The following ZNF33A variants were observed in gnomAD, a reference collection of about 807,000 sequenced individuals.
The protein encoded by ZNF33A is zinc finger protein 33A.
In ZNF33A, 9 loss-of-function variants were observed where a neutral mutation model predicts 15.9. That is an observed-to-expected ratio of 0.57 (90% confidence interval 0.34 to 0.99). The LOEUF is 0.99. ZNF33A is among the 50% of genes least tolerant of loss of function. The pLI is 0.02. For synonymous variants in ZNF33A, 294 were observed against 324.2 expected, an observed-to-expected ratio of 0.91 and a Z score of 1.00; for missense variants, 843 against 941.6, an observed-to-expected ratio of 0.90 and a Z score of 1.37.
chr10:38,054,748 G>A lies in ZNF33A; in HGVS notation c.624G>A (p.Gln208=). 6.2e-7 allele frequency: 1 copy of A among 1,613,528 alleles called. No individual in the cohort carries two copies. Among genetic ancestry groups the A allele is most frequent in the Non-Finnish European group, 8.5e-7 (1 of 1,179,892 alleles). ...TGAGTCATCATGAGGAGACTTTGCAGCATGAGAAGATTCAAACTTTAGAGC... is the reference window on the plus strand; with the variant it reads ...TGAGTCATCATGAGGAGACTTTGCAACATGAGAAGATTCAAACTTTAGAGC... The part of the protein sequence containing the change: ...NTLSHHEETL[Q]HEKIQTLEHN... Residue 208 remains glutamine (Q), a synonymous_variant, in exon 5 of 5, where the codon CAG becomes CAA. Transcript: ENST00000432900.
chr10:38,012,876 CAGAA>C (rs1313383969), intron 2 of ZNF33A, among the ~76,000 whole-genome samples: 1 of 152,116 alleles, frequency 6.6e-6, no homozygotes, highest in African/African-American at 2.4e-5. Flanking sequence ...ACAACCATGG[CAGAA>C]AGGAAGACAC....
chr10:38,034,676 G>A (rs2065361185), intron 4 of ZNF33A, among the ~76,000 whole-genome samples: 1 of 152,198 alleles, frequency 6.6e-6, no homozygotes, highest in Non-Finnish European at 1.5e-5. Context: ...CACATAAGAA[G>A]TGGAGATATA....
At chr10:38,011,960 A>G (rs2135522738) in intron 1 of ZNF33A, among the ~76,000 whole-genome samples, 1 of 152,270 alleles carries the variant, frequency 6.6e-6, no homozygotes, top group South Asian at 2.1e-4. Context: ...ATATATTGTT[A>G]ACTTGTTTGG....
downstream of ZNF33A, chr10:38,064,875 T>G (rs1404685123): frequency 6.6e-6 from 1 of 151,952 alleles, no homozygotes; most frequent in African/African-American, 2.4e-5. Context: ...AAAGAGGAGC[T>G]CACTAATTAT....
At chr10:38,043,018 T>C (rs899043740) in intron 4 of ZNF33A, among the ~76,000 whole-genome samples, 7 of 152,344 alleles carry the variant, frequency 4.6e-5, no homozygotes, top group Admixed American at 1.3e-4. Flanking sequence ...ACAATAATTG[T>C]GGATTTGAAC....
intron 1 of ZNF33A, among the ~76,000 whole-genome samples, chr10:38,011,508 G>A (rs2064183343): frequency 6.6e-6 from 1 of 152,156 alleles, no homozygotes. Context: ...CCGGGAGGCG[G>A]AGGTTACAGG....
chr10:38,063,750 C>T (rs912983330), downstream of ZNF33A, among the ~76,000 whole-genome samples: 3 of 152,180 alleles, frequency 2.0e-5, no homozygotes, highest in African/African-American at 7.2e-5. Context: ...GTTTTCTCTG[C>T]GTCAGTCTGC....
chr10:38,016,742 G>T, intron 2 of ZNF33A, 129 bp from the exon 3 acceptor site: 1 of 1,117,030 alleles, frequency 9.0e-7, no homozygotes, highest in South Asian at 1.7e-5. Flanking sequence ...TGCATTAATG[G>T]CAGAATATTT....
intron 4 of ZNF33A, among the ~76,000 whole-genome samples, chr10:38,041,144 T>C (rs193184947): frequency 2.6e-5 from 4 of 152,178 alleles, no homozygotes; most frequent in Middle Eastern, 3.4e-3. Flanking sequence ...TTTATAGGTT[T>C]CGAGGGTACA....
In ZNF33A at chr10:38,056,891, A is replaced by G; in HGVS notation, c.*331A>G. ...TAGGGCACCTAACAATAATTTATAG[A>G]TGTATATTGTGGAATGTAAAGCTTT... is the stretch of plus-strand genomic sequence containing the variant. On this transcript the variant is annotated 3_prime_UTR_variant, in exon 5 of 5. Transcript: ENST00000432900. 3.0e-6 allele frequency: 3 copies of G among 994,854 alleles called. No homozygotes were observed. The highest frequency in any genetic ancestry group is 3.6e-6 in the Non-Finnish European group (3 of 826,442). The allele number at this position is 994,854 out of a possible 1,614,324, so 61.6% of individuals were successfully genotyped here. A position where few individuals can be genotyped will look rare whatever the true frequency, so the allele number is the denominator to read the frequency against.
Position 38,054,922 on chromosome 10 carries a change from G to T in ZNF33A, c.798G>T (p.Gln266His), listed in dbSNP as rs751939801. 4 of 1,613,932 alleles carry T rather than the reference G, an allele frequency of 2.5e-6. No individual in the cohort carries two copies. Among genetic ancestry groups the T allele is most frequent in the South Asian group, 2.2e-5 (2 of 91,084 alleles). ...ATAGTTCATCCCTCTTGTTCCATCA[G>T]ATATCTCCGTCAAGGGACAATCACT... ...LCDSSSLLFH[Q>H]ISPSRDNHYE... Residue 266 changes from glutamine (Q) to histidine (H), a missense_variant, in exon 5 of 5, where the codon CAG becomes CAT. Coordinates refer to ENST00000432900, the MANE Select transcript of ZNF33A (RefSeq NM_006954.2).
chr10:38,035,951 C>G (rs1020575867), intron 4 of ZNF33A, among the ~76,000 whole-genome samples: 2 of 152,148 alleles, frequency 1.3e-5, no homozygotes, highest in African/African-American at 4.8e-5. Context: ...AAAAGAGATG[C>G]AAAGGGAACC....
Position 38,059,209 on chromosome 10 carries a change from C to A in ZNF33A, c.*2649C>A, listed in dbSNP as rs979447914. The A allele has an allele frequency of 1.3e-5, 2 of 152,182 alleles. No homozygotes were observed. Among genetic ancestry groups the A allele is most frequent in the Admixed American group, 6.5e-5 (1 of 15,286 alleles). 9.4% of individuals were successfully genotyped at this position (152,182 alleles called of 1,614,324 possible). On this transcript the variant is annotated 3_prime_UTR_variant, in exon 5 of 5. Coordinates refer to ENST00000432900, the MANE Select transcript of ZNF33A (RefSeq NM_006954.2). ...CACAGAAGGAATACAGGAGAACTTA[C>A]TCAAGTTGGTAAAGAACATACTACA... is the stretch of plus-strand genomic sequence containing the variant.
intron 4 of ZNF33A, among the ~76,000 whole-genome samples, chr10:38,021,545 G>A (rs2064745903): frequency 6.6e-6 from 1 of 152,136 alleles, no homozygotes. Context: ...AGAAGCTGAG[G>A]TAGGAGAATC....
intron 4 of ZNF33A, among the ~76,000 whole-genome samples, chr10:38,035,986 G>GT (rs1272372451): frequency 1.2e-4 from 18 of 152,238 alleles, no homozygotes; most frequent in African/African-American, 4.3e-4. Context: ...GTAAAAGGCT[G>GT]TTTTTTCTCT....
intron 4 of ZNF33A, among the ~76,000 whole-genome samples, chr10:38,034,744 C>T (rs2065366004): frequency 6.6e-6 from 1 of 152,128 alleles, no homozygotes; most frequent in Non-Finnish European, 1.5e-5. Flanking sequence ...CAAGATGGTC[C>T]AGGCTCATCT....
chr10:38,027,321 T>C (rs1478673285), intron 4 of ZNF33A, among the ~76,000 whole-genome samples: 3 of 152,124 alleles, frequency 2.0e-5, no homozygotes, highest in Non-Finnish European at 4.4e-5. Context: ...TCTGTATTCA[T>C]ATGCATCATT....
Position 38,057,839 on chromosome 10 carries a change from A to G in ZNF33A, c.*1279A>G. 1 of 985,372 alleles carries G rather than the reference A, an allele frequency of 1.0e-6. No individual in the cohort carries two copies. The highest frequency in any genetic ancestry group is 1.2e-6 in the Non-Finnish European group (1 of 829,920). 61.0% of individuals were successfully genotyped at this position (985,372 alleles called of 1,614,324 possible). A position where few individuals can be genotyped will look rare whatever the true frequency, so the allele number is the denominator to read the frequency against. ...GGGCCCTGGAAAGGCCCACACATAC[A>G]GCCCAGGGCTGCCCAGGGCTGTTGG... On this transcript the variant is annotated 3_prime_UTR_variant, in exon 5 of 5. Coordinates refer to ENST00000432900, the MANE Select transcript of ZNF33A (RefSeq NM_006954.2).
chr10:38,044,494 G>A (rs1484632010), intron 4 of ZNF33A, among the ~76,000 whole-genome samples: 8 of 151,978 alleles, frequency 5.3e-5, no homozygotes, highest in Admixed American at 4.6e-4. Flanking sequence ...TCAGGCATGA[G>A]CCACCCTGCC....
Sources: allele counts gnomAD v4.1 joint callset (sites outside exome capture counted in the v4.1 genomes callset), GRCh38; gene constraint gnomAD v4.1.1; transcripts MANE v1.5; gene names NCBI Gene and HGNC (gene_info 2026-07-23, HGNC 2026-07-21).